Variants in NUDT3 observed in about 807,000 individuals in gnomAD.
NUDT3 encodes the protein diphosphoinositol polyphosphate phosphohydrolase 1.
NUDT3 carries 9 observed loss-of-function variants against 23.6 expected under a neutral mutation model. The observed-to-expected ratio is 0.38, with a 90% CI of 0.23 to 0.66. The LOEUF (loss-of-function observed/expected upper bound fraction) is 0.66. Ranked by LOEUF, NUDT3 falls within the 30% of genes least tolerant of loss-of-function variation. The pLI is 0.52. For missense variants in NUDT3, 172 were observed against 218.5 expected (o/e 0.79, Z 1.34); for synonymous variants, 86 against 82.6 (o/e 1.04, Z -0.22).
At chr6:34,346,958 G>A (rs1280364971) in intron 1 of NUDT3, among the ~76,000 whole-genome samples, 1 of 151,988 alleles carries the variant, frequency 6.6e-6, no homozygotes, top group Admixed American at 6.6e-5. Flanking sequence ...TTTAGAGATG[G>A]GGGTCTCACT....
intron 2 of NUDT3, among the ~76,000 whole-genome samples, chr6:34,327,345 A>G (rs1009748993): frequency 1.3e-5 from 2 of 152,012 alleles, no homozygotes; most frequent in African/African-American, 4.8e-5. Flanking sequence ...CCTGGCCAAC[A>G]TGGTGAAACC....
intron 1 of NUDT3, among the ~76,000 whole-genome samples, chr6:34,390,036 C>G (rs926410868): frequency 6.6e-6 from 1 of 151,330 alleles, no homozygotes; most frequent in Non-Finnish European, 1.5e-5. Context: ...ACTCGGGAGG[C>G]TGAGGCAGGG....
At chr6:34,327,998 T>C (rs1029298626) in intron 2 of NUDT3, among the ~76,000 whole-genome samples, 26 of 152,238 alleles carry the variant, frequency 1.7e-4, no homozygotes, top group Non-Finnish European at 8.8e-5. Context: ...CAAAGAGTAA[T>C]ATTAAAAGCT....
At chr6:34,315,257 T>C (rs1481958541) in intron 2 of NUDT3, among the ~76,000 whole-genome samples, 1 of 152,254 alleles carries the variant, frequency 6.6e-6, no homozygotes, top group Non-Finnish European at 1.5e-5. Context: ...TCCTCAATTT[T>C]CTAGCTTTCA....
chr6:34,332,039 T>C (rs2113727200), intron 2 of NUDT3, among the ~76,000 whole-genome samples: 1 of 152,242 alleles, frequency 6.6e-6, no homozygotes, highest in East Asian at 1.9e-4. Flanking sequence ...CACGCCCAAC[T>C]AATTTTTTTT....
At chr6:34,344,655 G>A (rs944769295) in intron 1 of NUDT3, among the ~76,000 whole-genome samples, 3 of 151,932 alleles carry the variant, frequency 2.0e-5, no homozygotes, top group Admixed American at 2.0e-4. Context: ...CCAATGAATT[G>A]TTCTTTTTTT....
intron 3 of NUDT3, among the ~76,000 whole-genome samples, chr6:34,294,658 G>A (rs371171097): frequency 2.0e-5 from 3 of 151,700 alleles, no homozygotes; most frequent in East Asian, 2.0e-4. Flanking sequence ...CCTGGGAGGC[G>A]GAGGTTGTGG....
At chr6:34,289,013 A>G in intron 4 of NUDT3, 82 bp from the exon 5 acceptor site, 1 of 1,436,618 alleles carries the variant, frequency 7.0e-7, no homozygotes. Context: ...TATAGAAAAC[A>G]TTAAAGCAAT....
chr6:34,367,187 A>G (rs1050063639), intron 1 of NUDT3, among the ~76,000 whole-genome samples: 2 of 151,806 alleles, frequency 1.3e-5, no homozygotes. Flanking sequence ...CCTGACCTAA[A>G]AACATTTTAA....
intron 2 of NUDT3, among the ~76,000 whole-genome samples, chr6:34,311,986 A>G (rs78245401): frequency 0.096 from 14,568 of 152,282 alleles, 803 homozygotes; most frequent in Non-Finnish European, 0.12. Flanking sequence ...AGGTAACACA[A>G]GGGAAAATAT....
chr6:34,365,637 G>T (rs1380687606), intron 1 of NUDT3, among the ~76,000 whole-genome samples: 1 of 152,186 alleles, frequency 6.6e-6, no homozygotes, highest in African/African-American at 2.4e-5. Context: ...GCAGAATGGG[G>T]CATAGTGGCT....
intron 2 of NUDT3, among the ~76,000 whole-genome samples, chr6:34,330,357 T>C (rs1561909180): frequency 1.3e-5 from 2 of 152,346 alleles, no homozygotes; most frequent in East Asian, 3.9e-4. Flanking sequence ...TGGTGTGAGA[T>C]GGTACCTCAT....
At chr6:34,383,078 G>C (rs1765049362) in intron 1 of NUDT3, among the ~76,000 whole-genome samples, 1 of 147,200 alleles carries the variant, frequency 6.8e-6, no homozygotes, top group Admixed American at 6.9e-5. Flanking sequence ...AGTGAGCCAA[G>C]ATGGCGCCAT....
chr6:34,380,343 C>A (rs533472235), intron 1 of NUDT3, among the ~76,000 whole-genome samples: 1 of 152,158 alleles, frequency 6.6e-6, no homozygotes, highest in South Asian at 2.1e-4. Context: ...CGAGCCACAG[C>A]GCCCAGCCCT....
chr6:34,351,566 AC>A (rs1764477211), intron 1 of NUDT3, among the ~76,000 whole-genome samples: 1 of 149,562 alleles, frequency 6.7e-6, no homozygotes, highest in Non-Finnish European at 1.5e-5. Context: ...ACATGGTGAA[AC>A]CCTGACTCTA....
intron 4 of NUDT3, among the ~76,000 whole-genome samples, chr6:34,290,082 C>T (rs1183939240): frequency 1.3e-5 from 2 of 152,144 alleles, no homozygotes; most frequent in Non-Finnish European, 2.9e-5. Flanking sequence ...ATCTATAAAA[C>T]AGACAATAAA....
chr6:34,308,764 T>C (rs1189846628), intron 2 of NUDT3, among the ~76,000 whole-genome samples: 1 of 152,144 alleles, frequency 6.6e-6, no homozygotes, highest in Non-Finnish European at 1.5e-5. Flanking sequence ...TTAATGTGTA[T>C]ATGCCTAACA....
At chr6:34,290,515 C>T (rs1763405056) in intron 4 of NUDT3, among the ~76,000 whole-genome samples, 1 of 150,666 alleles carries the variant, frequency 6.6e-6, no homozygotes, top group Non-Finnish European at 1.5e-5. Context: ...AGCCACCACA[C>T]CTGTCCTATG....
intron 4 of NUDT3, among the ~76,000 whole-genome samples, chr6:34,292,613 A>G (rs1166568036): frequency 1.3e-5 from 2 of 148,534 alleles, no homozygotes. Context: ...ATGAAAAAAT[A>G]TAAAAATATA....
Sources: allele counts gnomAD v4.1 joint callset (sites outside exome capture counted in the v4.1 genomes callset), GRCh38; gene constraint gnomAD v4.1.1; transcripts MANE v1.5; gene names NCBI Gene and HGNC (gene_info 2026-07-23, HGNC 2026-07-21).